Variants in EML5 observed in about 807,000 individuals in gnomAD.
EML5 encodes echinoderm microtubule-associated protein-like 5.
EML5 carries 120 observed loss-of-function variants against 250.0 expected under a neutral mutation model. The ratio of observed to expected loss-of-function variants is 0.48; its 90% CI spans 0.41 to 0.56. The LOEUF (loss-of-function observed/expected upper bound fraction) is 0.56. Ranked by LOEUF, EML5 falls within the 20% of genes least tolerant of loss-of-function variation. EML5 has a pLI of 0.00. For synonymous variants in EML5, 771 were observed against 806.5 expected (o/e 0.96, Z 0.75); for missense variants, 2,006 against 2,437.6 (o/e 0.82, Z 3.73).
intron 26 of EML5, 64 bp from the exon 27 acceptor site, chr14:88,657,566 T>C (rs574077925): frequency 6.9e-4 from 989 of 1,442,072 alleles, no homozygotes; most frequent in Non-Finnish European, 8.3e-4. Context: ...ATCTTATAAA[T>C]TGGATACAAA....
intron 7 of EML5, among the ~76,000 whole-genome samples, chr14:88,728,807 C>A (rs2093707502): frequency 6.6e-6 from 1 of 151,972 alleles, no homozygotes; most frequent in Non-Finnish European, 1.5e-5. Flanking sequence ...ATGGTATCTG[C>A]AGGGGGTCTT....
intron 3 of EML5, 35 bp from the exon 4 acceptor site, chr14:88,744,126 AT>A: frequency 7.0e-7 from 1 of 1,435,720 alleles, no homozygotes; most frequent in Non-Finnish European, 9.4e-7. Context: ...TAAAATACTT[AT>A]TTCCAGAATC....
At chr14:88,657,067 C>G (rs1463038806) in intron 27 of EML5, among the ~76,000 whole-genome samples, 1 of 152,050 alleles carries the variant, frequency 6.6e-6, no homozygotes, top group Non-Finnish European at 1.5e-5. Flanking sequence ...AATCATAACT[C>G]ACTGCAATCT....
chr14:88,766,560 T>G (rs185251771), intron 1 of EML5, among the ~76,000 whole-genome samples: 1 of 152,266 alleles, frequency 6.6e-6, no homozygotes, highest in Non-Finnish European at 1.5e-5. Flanking sequence ...CCCGGTCTCC[T>G]GATGTTACCA....
intron 8 of EML5, among the ~76,000 whole-genome samples, chr14:88,717,417 A>C (rs771689862): frequency 1.5e-4 from 23 of 152,150 alleles, no homozygotes; most frequent in Non-Finnish European, 2.9e-4. Context: ...TGTGAGGTTA[A>C]GCTAGGATAA....
chr14:88,694,541 G>T (rs369365669), intron 16 of EML5, 134 bp from the exon 17 acceptor site: 1 of 635,722 alleles, frequency 1.6e-6, no homozygotes, highest in Non-Finnish European at 2.7e-6. Context: ...GGTTTGGGCT[G>T]TGTATTTGTT....
At chr14:88,765,501 T>C (rs7157149) in intron 1 of EML5, among the ~76,000 whole-genome samples, 36,861 of 152,116 alleles carry the variant, frequency 0.24, 4,642 homozygotes, top group East Asian at 0.38. Context: ...TTCTGACTTC[T>C]GCTGCATGTT....
At chr14:88,731,141 A>G (rs1382643342) in intron 7 of EML5, among the ~76,000 whole-genome samples, 2 of 152,130 alleles carry the variant, frequency 1.3e-5, no homozygotes, top group Non-Finnish European at 2.9e-5. Flanking sequence ...ACATATGTAT[A>G]CATGCGCCAT....
At chr14:88,761,430 T>A (rs977778853) in intron 1 of EML5, among the ~76,000 whole-genome samples, 1 of 152,210 alleles carries the variant, frequency 6.6e-6, no homozygotes. Context: ...AACTCCCACT[T>A]ACAAGTGAGA....
intron 21 of EML5, among the ~76,000 whole-genome samples, chr14:88,672,929 C>T (rs185261603): frequency 1.3e-5 from 2 of 152,122 alleles, no homozygotes; most frequent in East Asian, 3.9e-4. Context: ...CAGGACCAGA[C>T]AGATTTACAG....
intron 1 of EML5, among the ~76,000 whole-genome samples, chr14:88,778,439 A>T (rs956427686): frequency 2.0e-5 from 3 of 152,210 alleles, no homozygotes; most frequent in Non-Finnish European, 2.9e-5. Context: ...TATTATATTG[A>T]CAATTCTGTT....
At chr14:88,649,832 AAAAATACCTT>A in intron 28 of EML5, 70 bp downstream of exon 28, 1 of 1,196,930 alleles carries the variant, frequency 8.4e-7, no homozygotes, top group Non-Finnish European at 1.2e-6. Context: ...TTTATAGGGA[AAAAATACCTT>A]AAAATACCAT....
At chr14:88,685,218 C>G in intron 19 of EML5, 76 bp from the exon 20 acceptor site, 1 of 1,246,082 alleles carries the variant, frequency 8.0e-7, no homozygotes, top group Non-Finnish European at 1.1e-6. Context: ...GCCAATTAAG[C>G]TATTTTGACA....
intron 18 of EML5, among the ~76,000 whole-genome samples, chr14:88,687,820 G>GT (rs2092869570): frequency 6.6e-6 from 1 of 152,102 alleles, no homozygotes; most frequent in Non-Finnish European, 1.5e-5. Context: ...GCTCATGCCT[G>GT]TAACACAATA....
At chr14:88,651,547 A>AT (rs1183261556) in intron 27 of EML5, among the ~76,000 whole-genome samples, 3 of 152,168 alleles carry the variant, frequency 2.0e-5, no homozygotes, top group South Asian at 2.1e-4. Flanking sequence ...CCAATAAATA[A>AT]TTTTTTTAAA....
At chr14:88,702,707 G>C (rs545748175) in intron 13 of EML5, 75 bp from the exon 14 acceptor site, 10 of 1,055,704 alleles carry the variant, frequency 9.5e-6, no homozygotes, top group Non-Finnish European at 1.3e-5. Context: ...CAGGGGAGAA[G>C]TAGGTACCCT....
intron 2 of EML5, among the ~76,000 whole-genome samples, chr14:88,751,323 G>C (rs1317570341): frequency 2.6e-5 from 4 of 152,194 alleles, no homozygotes; most frequent in African/African-American, 4.8e-5. Context: ...TTAATTGGAA[G>C]AGAGAGTCAG....
At chr14:88,668,064 C>T (rs2092354551) in intron 21 of EML5, among the ~76,000 whole-genome samples, 1 of 152,240 alleles carries the variant, frequency 6.6e-6, no homozygotes, top group South Asian at 2.1e-4. Flanking sequence ...CATTTCCAAA[C>T]AGGTCTGAAT....
At chr14:88,655,816 A>G (rs1444408318) in intron 27 of EML5, among the ~76,000 whole-genome samples, 4 of 152,236 alleles carry the variant, frequency 2.6e-5, no homozygotes, top group African/African-American at 4.8e-5. Context: ...AAGGATATGA[A>G]CAGACACTTC....
Sources: allele counts gnomAD v4.1 joint callset (sites outside exome capture counted in the v4.1 genomes callset), GRCh38; gene constraint gnomAD v4.1.1; transcripts MANE v1.5; gene names NCBI Gene and HGNC (gene_info 2026-07-23, HGNC 2026-07-21).